The following ENTREP2 variants were observed in gnomAD, a reference collection of about 807,000 sequenced individuals.
ENTREP2 encodes the protein protein ENTREP2.
chr15:29,444,475 C>CTTTTTTTCTTTTT, the ENTREP2 span, among the ~76,000 whole-genome samples: 1 of 140,168 alleles, frequency 7.1e-6, no homozygotes, highest in Non-Finnish European at 1.5e-5. Flanking sequence ...TTCTTTTTTT[C>CTTTTTTTCTTTTT]TTTTTTTTCT....
the ENTREP2 span, among the ~76,000 whole-genome samples, chr15:29,426,887 T>A: frequency 6.6e-6 from 1 of 152,170 alleles, no homozygotes; most frequent in African/African-American, 2.4e-5. Flanking sequence ...TGCCCAAAGC[T>A]TGGGGCAGTG....
At chr15:29,275,512 T>A in the ENTREP2 span, among the ~76,000 whole-genome samples, 1 of 152,218 alleles carries the variant, frequency 6.6e-6, no homozygotes, top group East Asian at 1.9e-4. Context: ...TTTCAAACAC[T>A]TTATGTTAAT....
chr15:29,201,403 T>C, the ENTREP2 span, among the ~76,000 whole-genome samples: 1 of 152,238 alleles, frequency 6.6e-6, no homozygotes, highest in African/African-American at 2.4e-5. Flanking sequence ...GTGTTAGCTG[T>C]AGGTCTTTTG....
the ENTREP2 span, among the ~76,000 whole-genome samples, chr15:29,310,894 C>G: frequency 6.6e-6 from 1 of 151,998 alleles, no homozygotes; most frequent in African/African-American, 2.4e-5. Flanking sequence ...CCAATTACAG[C>G]GTGAGAATTA....
chr15:29,634,269 A>G, the ENTREP2 span, among the ~76,000 whole-genome samples: 1 of 152,106 alleles, frequency 6.6e-6, no homozygotes, highest in Non-Finnish European at 1.5e-5. Context: ...CCTGTGGGGT[A>G]AGGGTAAGAA....
the ENTREP2 span, among the ~76,000 whole-genome samples, chr15:29,476,291 T>C: frequency 6.6e-6 from 1 of 152,222 alleles, no homozygotes. Flanking sequence ...GAAGCCACCA[T>C]AAAGTTGACC....
the ENTREP2 span, among the ~76,000 whole-genome samples, chr15:29,144,987 T>A: frequency 6.6e-6 from 1 of 151,596 alleles, no homozygotes; most frequent in South Asian, 2.1e-4. Flanking sequence ...ACGTGGGAGG[T>A]GGAGGATGCA....
At chr15:29,405,632 C>T in the ENTREP2 span, among the ~76,000 whole-genome samples, 1 of 152,208 alleles carries the variant, frequency 6.6e-6, no homozygotes, top group Non-Finnish European at 1.5e-5. Context: ...GGGGCTACGG[C>T]ACCAGCACCC....
chr15:29,622,951 G>T, the ENTREP2 span, among the ~76,000 whole-genome samples: 1 of 152,178 alleles, frequency 6.6e-6, no homozygotes, highest in African/African-American at 2.4e-5. Context: ...CCTTTGGGAA[G>T]CTGGGTGACC....
the ENTREP2 span, among the ~76,000 whole-genome samples, chr15:29,138,860 T>C: frequency 6.6e-6 from 1 of 151,782 alleles, no homozygotes; most frequent in Admixed American, 6.6e-5. Flanking sequence ...TGAACGGGTC[T>C]TGAAAGATTG....
At chr15:29,217,662 T>G in the ENTREP2 span, among the ~76,000 whole-genome samples, 1 of 152,196 alleles carries the variant, frequency 6.6e-6, no homozygotes, top group Non-Finnish European at 1.5e-5. Context: ...CTTCACTTCT[T>G]GTATCATTTT....
At chr15:29,490,990 A>G in the ENTREP2 span, among the ~76,000 whole-genome samples, 1 of 152,294 alleles carries the variant, frequency 6.6e-6, no homozygotes, top group South Asian at 2.1e-4. Context: ...AGGGGGCAGC[A>G]TGGCGGGCTG....
the ENTREP2 span, among the ~76,000 whole-genome samples, chr15:29,299,132 G>A: frequency 1.3e-5 from 2 of 152,184 alleles, no homozygotes; most frequent in African/African-American, 4.8e-5. Context: ...ATGATTATGT[G>A]ACAGATGAAG....
At chr15:29,204,107 G>A in the ENTREP2 span, among the ~76,000 whole-genome samples, 1 of 152,104 alleles carries the variant, frequency 6.6e-6, no homozygotes, top group Non-Finnish European at 1.5e-5. Flanking sequence ...CCCTGACCTC[G>A]ACATCTGGGT....
the ENTREP2 span, among the ~76,000 whole-genome samples, chr15:29,559,314 C>T: frequency 6.6e-6 from 1 of 152,134 alleles, no homozygotes; most frequent in African/African-American, 2.4e-5. Flanking sequence ...TCACCTCACA[C>T]AGGCCTGTGT....
the ENTREP2 span, among the ~76,000 whole-genome samples, chr15:29,385,028 A>G: frequency 1.3e-5 from 2 of 151,796 alleles, no homozygotes; most frequent in African/African-American, 4.8e-5. Flanking sequence ...CACCCTCCTC[A>G]CTCACGAAGA....
chr15:29,507,912 C>T, the ENTREP2 span, among the ~76,000 whole-genome samples: 2 of 151,990 alleles, frequency 1.3e-5, no homozygotes, highest in African/African-American at 4.8e-5. Flanking sequence ...CAAAGCAGAA[C>T]TGAAGGAGAT....
chr15:29,390,739 A>G, the ENTREP2 span, among the ~76,000 whole-genome samples: 2 of 152,232 alleles, frequency 1.3e-5, no homozygotes, highest in African/African-American at 4.8e-5. Context: ...TCTAACACTG[A>G]AAAGTTCTTT....
the ENTREP2 span, among the ~76,000 whole-genome samples, chr15:29,242,187 C>T: frequency 6.6e-6 from 1 of 152,210 alleles, no homozygotes; most frequent in African/African-American, 2.4e-5. Context: ...CCCCTGCCCC[C>T]GGTTCAAGTA....
Sources: allele counts gnomAD v4.1 joint callset (sites outside exome capture counted in the v4.1 genomes callset), GRCh38; gene constraint gnomAD v4.1.1; transcripts MANE v1.5; gene names NCBI Gene and HGNC (gene_info 2026-07-23, HGNC 2026-07-21).